KCNIP4: variants seen among roughly 807,000 people sequenced by gnomAD.
The protein encoded by KCNIP4 is potassium voltage-gated channel interacting protein 4, also known as Kv channel-interacting protein 4.
Under a neutral mutation model 34.0 loss-of-function variants are expected in KCNIP4, and 12 were observed. The ratio of observed to expected loss-of-function variants is 0.35; its 90% CI spans 0.23 to 0.57. KCNIP4 has a LOEUF of 0.57. KCNIP4 is among the 20% of genes least tolerant of loss of function. KCNIP4 has a pLI of 0.83. For missense variants in KCNIP4, 238 were observed against 311.7 expected (o/e 0.76, Z 1.78); for synonymous variants, 124 against 102.2 (o/e 1.21, Z -1.29).
intron 5 of KCNIP4, among the ~76,000 whole-genome samples, chr4:20,735,212 G>A (rs75678726): frequency 0.02 from 3,042 of 152,278 alleles, 98 homozygotes; most frequent in African/African-American, 0.07. Context: ...TGGACAGTGG[G>A]TAAGAGCATG....
At chr4:21,593,758 C>G (rs1742406370) in intron 1 of KCNIP4, among the ~76,000 whole-genome samples, 2 of 152,080 alleles carry the variant, frequency 1.3e-5, no homozygotes, top group Non-Finnish European at 2.9e-5. Flanking sequence ...AGACCTGAAA[C>G]AGGATAATTT....
intron 1 of KCNIP4, among the ~76,000 whole-genome samples, chr4:21,930,929 A>G (rs1249498515): frequency 1.3e-5 from 2 of 152,160 alleles, no homozygotes; most frequent in African/African-American, 4.8e-5. Flanking sequence ...TGAGTATTTG[A>G]GAGCCAACCA....
chr4:21,332,905 C>G (rs1260890662), intron 1 of KCNIP4, among the ~76,000 whole-genome samples: 1 of 151,848 alleles, frequency 6.6e-6, no homozygotes, highest in Non-Finnish European at 1.5e-5. Context: ...TCAAGTATTA[C>G]CTGCCTCTCT....
chr4:21,519,457 C>T (rs1366498157), intron 1 of KCNIP4, among the ~76,000 whole-genome samples: 1 of 66,428 alleles, frequency 1.5e-5, no homozygotes, highest in Non-Finnish European at 3.6e-5. Flanking sequence ...TGTATATACA[C>T]ATATGTGTGT....
chr4:20,925,735 A>T (rs568837948), intron 1 of KCNIP4, among the ~76,000 whole-genome samples: 1 of 152,240 alleles, frequency 6.6e-6, no homozygotes, highest in Non-Finnish European at 1.5e-5. Flanking sequence ...AGGACTTATT[A>T]CATGCCTATG....
At chr4:21,017,888 C>T (rs1577542679) in intron 1 of KCNIP4, among the ~76,000 whole-genome samples, 1 of 152,152 alleles carries the variant, frequency 6.6e-6, no homozygotes, top group African/African-American at 2.4e-5. Context: ...GCCACTCTGA[C>T]TGGCATGAGA....
intron 1 of KCNIP4, among the ~76,000 whole-genome samples, chr4:21,230,597 T>A (rs1455743402): frequency 1.3e-5 from 2 of 152,156 alleles, no homozygotes; most frequent in African/African-American, 4.8e-5. Context: ...CTCCCACTTA[T>A]AAGTGACAAC....
In KCNIP4 at chr4:21,129,076, T is replaced by C. The variant is rs563031761; in HGVS notation, c.62-246367A>G. ...GCAGGGTCAGGTGGAGATAACTGAA[T>C]CACGGCGGCGGTTCCCCCATACTGT... is the stretch of plus-strand genomic sequence containing the variant. On this transcript the variant is annotated intron_variant, in intron 1 of 8. Transcript: ENST00000382152. 2.0e-5 allele frequency among the ~76,000 whole-genome samples: 3 copies of C among 152,280 alleles called. No individual in the cohort carries two copies. In the South Asian group the frequency reaches 6.2e-4, roughly 32 times the overall value.
chr4:21,368,975 CATTT>C lies in KCNIP4; in HGVS notation c.62-486270_62-486267del, dbSNP rs956181690. On this transcript the variant is annotated intron_variant, in intron 1 of 8. Transcript: ENST00000382152. ...TCATCCACTAATCCATCCATCCATT[CATTT>C]GTCAATCCATCCATCCATCCATCTA... Among the ~76,000 whole-genome samples, 20 of 147,060 alleles carry C rather than the reference CATTT, an allele frequency of 1.4e-4. 1 individual carries two copies. The highest frequency in any genetic ancestry group is 5.3e-4 in the Admixed American group (8 of 15,182).
intron 1 of KCNIP4, among the ~76,000 whole-genome samples, chr4:21,249,888 C>G (rs1214093816): frequency 6.6e-6 from 1 of 152,178 alleles, no homozygotes; most frequent in Non-Finnish European, 1.5e-5. Flanking sequence ...TCAATAAGCT[C>G]ATAGCCATTT....
At chr4:21,765,419 C>T (rs142537137) in intron 1 of KCNIP4, among the ~76,000 whole-genome samples, 144 of 151,968 alleles carry the variant, frequency 9.5e-4, no homozygotes, top group Non-Finnish European at 2.4e-4. Flanking sequence ...TAACTGTGTG[C>T]GCATGTGTCC....
intron 3 of KCNIP4, among the ~76,000 whole-genome samples, chr4:20,837,662 CTATATA>C (rs36015537): frequency 7.2e-6 from 1 of 138,066 alleles, no homozygotes; most frequent in Non-Finnish European, 1.5e-5. Flanking sequence ...GTTGTCAGTG[CTATATA>C]TATATATATA....
intron 1 of KCNIP4, among the ~76,000 whole-genome samples, chr4:21,681,511 C>A (rs1271289300): frequency 6.6e-6 from 1 of 152,180 alleles, no homozygotes; most frequent in Non-Finnish European, 1.5e-5. Flanking sequence ...TCTACATCGG[C>A]ACTTGCTCTT....
chr4:21,401,542 T>C (rs1203145823), intron 1 of KCNIP4, among the ~76,000 whole-genome samples: 1 of 152,172 alleles, frequency 6.6e-6, no homozygotes, highest in South Asian at 2.1e-4. Context: ...TTGGGGTAAA[T>C]TGATATTTCC....
chr4:21,765,266 C>T (rs1256068269), intron 1 of KCNIP4, among the ~76,000 whole-genome samples: 2 of 151,648 alleles, frequency 1.3e-5, no homozygotes, highest in African/African-American at 4.8e-5. Context: ...AGTGATCCTC[C>T]CATCTCAGCA....
chr4:21,110,659 AT>A (rs1278572169), intron 1 of KCNIP4, among the ~76,000 whole-genome samples: 1 of 152,136 alleles, frequency 6.6e-6, no homozygotes, highest in Admixed American at 6.5e-5. Flanking sequence ...CTAATCCCTA[AT>A]TTGATGGCAT....
intron 1 of KCNIP4, among the ~76,000 whole-genome samples, chr4:21,468,002 A>C (rs1473209074): frequency 8.4e-6 from 1 of 118,662 alleles, no homozygotes; most frequent in African/African-American, 2.8e-5. Flanking sequence ...CACTGATGGG[A>C]ACAAATTCTG....
intron 1 of KCNIP4, among the ~76,000 whole-genome samples, chr4:21,191,744 G>A (rs1326242120): frequency 6.6e-6 from 1 of 152,200 alleles, no homozygotes; most frequent in African/African-American, 2.4e-5. Context: ...GAAAGGCTGA[G>A]TTATTCCAAA....
At position 21,911,604 on chromosome 4, in the gene KCNIP4, TCACACACACACACA is replaced by T. The variant is rs149500330; in HGVS notation, c.61+36953_61+36966del. On this transcript the variant is annotated intron_variant, in intron 1 of 8. Transcript: ENST00000382152. ...TCTGAAAGGCAGAAAGAATTGATAT[TCACACACACACACA>T]CACACACACACACACACACACACAC... Among the ~76,000 whole-genome samples, 351 of 129,980 alleles carry T rather than the reference TCACACACACACACA, an allele frequency of 2.7e-3. 1 individual carries two copies. The highest frequency in any genetic ancestry group is 9.2e-3 in the African/African-American group (307 of 33,282). The allele number at this position is 129,980 out of a possible 152,430, so 85.3% of individuals were successfully genotyped here.
Sources: allele counts gnomAD v4.1 joint callset (sites outside exome capture counted in the v4.1 genomes callset), GRCh38; gene constraint gnomAD v4.1.1; transcripts MANE v1.5; gene names NCBI Gene and HGNC (gene_info 2026-07-23, HGNC 2026-07-21).